The following TNNC1 variants were observed in gnomAD, a reference collection of about 807,000 sequenced individuals.
TNNC1 encodes troponin C1, slow skeletal and cardiac type, also known as troponin C, slow skeletal and cardiac muscles.
Under a neutral mutation model 19.6 loss-of-function variants are expected in TNNC1, and 10 were observed. The observed-to-expected ratio is 0.51, with a 90% CI of 0.31 to 0.87. The LOEUF (loss-of-function observed/expected upper bound fraction) is 0.87. TNNC1 is among the 40% of genes least tolerant of loss of function. The probability of loss-of-function intolerance (pLI) is 0.04; values close to 1 mark genes in which losing one functional copy is unlikely to be tolerated. For synonymous variants in TNNC1, 85 were observed against 80.1 expected (o/e 1.06, Z -0.33); for missense variants, 115 against 219.8 (o/e 0.52, Z 3.02).
At position 52,452,887 on chromosome 3, in the gene TNNC1, G is replaced by A. The variant is rs1288605282; in HGVS notation, c.25-374C>T. ...TGTGGAGGCAGGCAAGCCACCCACG[G>A]TAACCTGACCAGGGTGGCCACTGGG... is the stretch of plus-strand genomic sequence containing the variant. On this transcript the variant is annotated intron_variant, in intron 1 of 5. Coordinates refer to ENST00000232975, the MANE Select transcript of TNNC1 (RefSeq NM_003280.3). This position sits in a 1 kb window ranked among gnomAD's most constrained non-coding sequence, Gnocchi z 5.2. 4 of 368,726 alleles carry A rather than the reference G, an allele frequency of 1.1e-5. No individual in the cohort carries two copies. Among genetic ancestry groups the A allele is most frequent in the Admixed American group, 3.9e-5 (1 of 25,488 alleles). 22.8% of individuals were successfully genotyped at this position (368,726 alleles called of 1,614,324 possible). A position where few individuals can be genotyped will look rare whatever the true frequency, so the allele number is the denominator to read the frequency against.
rs770331194 is a variant in TNNC1, at chr3:52,451,845, C to T, written c.216G>A (p.Val72=). The T allele has an allele frequency of 5.3e-5, 86 of 1,613,960 alleles. No individual in the cohort carries two copies. Among genetic ancestry groups the T allele is most frequent in the South Asian group, 4.4e-4 (40 of 91,090 alleles). The change falls in exon 4 of 6, where the codon GTG becomes GTA. Residue 72 remains valine (V), a synonymous_variant. Coordinates refer to ENST00000232975, the MANE Select transcript of TNNC1 (RefSeq NM_003280.3). This position sits in a 1 kb window ranked among gnomAD's most constrained non-coding sequence, Gnocchi z 4.8. ...DEVDEDGSGT[V]DFDEFLVMMV... ...TCATGACCAGGAACTCATCAAAGTCCACCGTGCCGCTGCCTGGGGGTGGGC... is the reference window on the plus strand; with the variant it reads ...TCATGACCAGGAACTCATCAAAGTCTACCGTGCCGCTGCCTGGGGGTGGGC...
At chr3:52,453,442 T>C (rs1453312991) in intron 1 of TNNC1, among the ~76,000 whole-genome samples, 1 of 152,198 alleles carries the variant, frequency 6.6e-6, no homozygotes, top group Admixed American at 6.5e-5. Flanking sequence ...TGTCCAGAAC[T>C]TCCCTGCCTC....
rs1417415108 is a variant in TNNC1 at position 52,452,422 on chromosome 3, A to G, written c.55+61T>C. ...CTCTGGCCTGGGGTCCTCTTCTGAT[A>G]AGGGGTCCCCATGCCAGCCTGGACC... On this transcript the variant is annotated intron_variant, in intron 2 of 5. Coordinates refer to ENST00000232975, the MANE Select transcript of TNNC1 (RefSeq NM_003280.3). This position sits in a 1 kb window ranked among gnomAD's most constrained non-coding sequence, Gnocchi z 5.2. 5 of 1,601,880 alleles carry G rather than the reference A, an allele frequency of 3.1e-6. No homozygotes were observed. The highest frequency in any genetic ancestry group is 4.3e-6 in the Non-Finnish European group (5 of 1,173,010).
Position 52,451,933 on chromosome 3 carries a change from T to C in TNNC1, c.203-75A>G. ...GCAGCACCTTCGACACGAACCCCCA[T>C]GTTCTCACCGCATCCTCACACCAAA... is the stretch of plus-strand genomic sequence containing the variant. On this transcript the variant is annotated intron_variant, in intron 3 of 5. Coordinates refer to ENST00000232975, the MANE Select transcript of TNNC1 (RefSeq NM_003280.3). This position sits in a 1 kb window ranked among gnomAD's most constrained non-coding sequence, Gnocchi z 4.8. The C allele has an allele frequency of 7.1e-6, 11 of 1,539,016 alleles. No homozygotes were observed. Among genetic ancestry groups the C allele is most frequent in the East Asian group, 2.2e-5 (1 of 44,516 alleles).
At position 52,452,727 on chromosome 3, in the gene TNNC1, G is replaced by C; in HGVS notation, c.25-214C>G. 1.6e-6 allele frequency: 1 copy of C among 631,536 alleles called. No individual in the cohort carries two copies. Among genetic ancestry groups the C allele is most frequent in the South Asian group, 1.8e-5 (1 of 55,204 alleles). 39.1% of individuals were successfully genotyped at this position (631,536 alleles called of 1,614,324 possible). On this transcript the variant is annotated intron_variant, in intron 1 of 5. Transcript: ENST00000232975. This position sits in a 1 kb window ranked among gnomAD's most constrained non-coding sequence, Gnocchi z 5.2. ...GGGCTCAGGGCCAGGGTGACAGGTG[G>C]GCACCCCCTTCAGGACCAAGGTGAC...
Position 52,451,554 on chromosome 3 carries a change from C to T in TNNC1, c.318-27G>A. On this transcript the variant is annotated intron_variant, in intron 4 of 5. Coordinates refer to ENST00000232975, the MANE Select transcript of TNNC1 (RefSeq NM_003280.3). This position sits in a 1 kb window ranked among gnomAD's most constrained non-coding sequence, Gnocchi z 4.8. ...TGTGGGGAGGGGGCTCAGGGTAGGG[C>T]TGTGGGGAGGGCATGAGGCAGCCCC... is the stretch of plus-strand genomic sequence containing the variant. 2.5e-6 allele frequency: 4 copies of T among 1,613,696 alleles called. No homozygotes were observed. The highest frequency in any genetic ancestry group is 3.4e-6 in the Non-Finnish European group (4 of 1,179,908).
In TNNC1 at chr3:52,451,170, G is replaced by A. The variant is rs865892529; in HGVS notation, c.*105C>T. The A allele has an allele frequency of 3.0e-6, 4 of 1,348,726 alleles. No homozygotes were observed. Among genetic ancestry groups the A allele is most frequent in the Non-Finnish European group, 3.2e-6 (3 of 945,462 alleles). 83.5% of individuals were successfully genotyped at this position (1,348,726 alleles called of 1,614,324 possible). A position where few individuals can be genotyped will look rare whatever the true frequency, so the allele number is the denominator to read the frequency against. On this transcript the variant is annotated 3_prime_UTR_variant, in exon 6 of 6. Transcript: ENST00000232975. The surrounding 1 kb of genome is among the most constrained non-coding windows in gnomAD (Gnocchi z 4.8). Reference sequence around the variant, plus strand: ...AGGGAGTCGGGGGATTTGGGGTTGAGGACATGGCCAGGCTCAGGTCCTGGG... The same window carrying A: ...AGGGAGTCGGGGGATTTGGGGTTGAAGACATGGCCAGGCTCAGGTCCTGGG...
At position 52,451,589 on chromosome 3, in the gene TNNC1, C is replaced by A. The variant is rs903917168; in HGVS notation, c.318-62G>T. 6.8e-6 allele frequency: 11 copies of A among 1,610,326 alleles called. No homozygotes were observed. Among genetic ancestry groups the A allele is most frequent in the Non-Finnish European group, 7.6e-6 (9 of 1,177,340 alleles). On this transcript the variant is annotated intron_variant, in intron 4 of 5. Coordinates refer to ENST00000232975, the MANE Select transcript of TNNC1 (RefSeq NM_003280.3). The surrounding 1 kb of genome is among the most constrained non-coding windows in gnomAD (Gnocchi z 4.8). The stretch of plus-strand genomic sequence containing the variant: ...GGCATGAGGCAGCCCCACCCATGCC[C>A]CAGGAGGCAGAGCAGGGACACTGGG...
Position 52,451,876 on chromosome 3 carries a change from G to A in TNNC1, c.203-18C>T. On this transcript the variant is annotated intron_variant, in intron 3 of 5. Coordinates refer to ENST00000232975, the MANE Select transcript of TNNC1 (RefSeq NM_003280.3). The surrounding 1 kb of genome is among the most constrained non-coding windows in gnomAD (Gnocchi z 4.8). Reference sequence around the variant, plus strand: ...GCCGCTGCCTGGGGGTGGGCAGCATGGCCGTTACAGAGGCCAGGGTAGGTA... The same window carrying A: ...GCCGCTGCCTGGGGGTGGGCAGCATAGCCGTTACAGAGGCCAGGGTAGGTA... 1 of 1,610,236 alleles carries A rather than the reference G, an allele frequency of 6.2e-7. No individual in the cohort carries two copies. Among genetic ancestry groups the A allele is most frequent in the East Asian group, 2.2e-5 (1 of 44,868 alleles).
chr3:52,451,183 C>T lies in TNNC1; in HGVS notation c.*92G>A. ...ATTTGGGGTTGAGGACATGGCCAGG[C>T]TCAGGTCCTGGGACCCCGACCCCCT... On this transcript the variant is annotated 3_prime_UTR_variant, in exon 6 of 6. Coordinates refer to ENST00000232975, the MANE Select transcript of TNNC1 (RefSeq NM_003280.3). The surrounding 1 kb of genome is among the most constrained non-coding windows in gnomAD (Gnocchi z 4.8). The T allele has an allele frequency of 6.8e-7, 1 of 1,476,728 alleles. No individual in the cohort carries two copies. Among genetic ancestry groups the T allele is most frequent in the Non-Finnish European group, 9.4e-7 (1 of 1,058,674 alleles). The allele number at this position is 1,476,728 out of a possible 1,614,324, so 91.5% of individuals were successfully genotyped here. A position where few individuals can be genotyped will look rare whatever the true frequency, so the allele number is the denominator to read the frequency against.
At position 52,452,770 on chromosome 3, in the gene TNNC1, A is replaced by G. The variant is rs539117227; in HGVS notation, c.25-257T>C. The G allele has an allele frequency of 2.7e-5, 16 of 581,994 alleles. No individual in the cohort carries two copies. The East Asian group carries it at 4.1e-4, about 15-fold the overall frequency. The allele number at this position is 581,994 out of a possible 1,614,324, so 36.1% of individuals were successfully genotyped here. A position where few individuals can be genotyped will look rare whatever the true frequency, so the allele number is the denominator to read the frequency against. On this transcript the variant is annotated intron_variant, in intron 1 of 5. Transcript: ENST00000232975. This position sits in a 1 kb window ranked among gnomAD's most constrained non-coding sequence, Gnocchi z 5.2. ...AAGGTGACCCTCAGTAACAATAGTC[A>G]GTGACCACTCAATGCCCTTTCGGCC...
At chr3:52,453,960 C>T in intron 1 of TNNC1, 32 bp downstream of exon 1, 1 of 1,579,032 alleles carries the variant, frequency 6.3e-7, no homozygotes, top group Non-Finnish European at 8.6e-7. Flanking sequence ...GTGGGCCTGC[C>T]CACCCCAGCC....
Position 52,451,954 on chromosome 3 carries a change from C to T in TNNC1, c.203-96G>A. ...CCCATGTTCTCACCGCATCCTCACA[C>T]CAAACGCCAGGCTTGTGTAGCCCTT... On this transcript the variant is annotated intron_variant, in intron 3 of 5. Transcript: ENST00000232975. The surrounding 1 kb of genome is among the most constrained non-coding windows in gnomAD (Gnocchi z 4.8). 6.5e-7 allele frequency: 1 copy of T among 1,541,188 alleles called. No homozygotes were observed. The highest frequency in any genetic ancestry group is 9.0e-7 in the Non-Finnish European group (1 of 1,116,826).
Position 52,451,243 on chromosome 3 carries a change from G to C in TNNC1, c.*32C>G. ...CAGGACTCAGCTGGAGTTGGAGGCT[G>C]GGCATAGGCAGCTCTGGGTGAAGGT... On this transcript the variant is annotated 3_prime_UTR_variant, in exon 6 of 6. Transcript: ENST00000232975. This position sits in a 1 kb window ranked among gnomAD's most constrained non-coding sequence, Gnocchi z 4.8. The C allele has an allele frequency of 6.2e-7, 1 of 1,613,878 alleles. No individual in the cohort carries two copies. Among genetic ancestry groups the C allele is most frequent in the Non-Finnish European group, 8.5e-7 (1 of 1,179,864 alleles).
Position 52,451,796 on chromosome 3 carries a change from T to C in TNNC1, c.265A>G (p.Ser89Gly), listed in dbSNP as rs2153229931. The change falls in exon 4 of 6, where the codon AGC (serine) becomes GGC (glycine). Residue 89 changes from serine to glycine, a missense_variant. Physicochemically the swap from Ser to Gly is moderately conservative, Grantham distance 56. Around this residue, in one of 2 missense-constraint regions of TNNC1, gnomAD observed 96 missense variants for 114.2 expected, o/e 0.84. Transcript: ENST00000232975. The surrounding 1 kb of genome is among the most constrained non-coding windows in gnomAD (Gnocchi z 4.8). ...AGCTCCTCCTCAGATTTCCCTTTGC[T>C]GTCGTCCTTCATGCACCGAACCATC... ...VMMVRCMKDD[S>G]KGKSEEELSD... 1 of 1,614,114 alleles carries C rather than the reference T, an allele frequency of 6.2e-7. No homozygotes were observed. Among genetic ancestry groups the C allele is most frequent in the South Asian group, 1.1e-5 (1 of 91,090 alleles).
At position 52,451,756 on chromosome 3, in the gene TNNC1, C is replaced by A. The variant is rs143020831; in HGVS notation, c.305G>T (p.Arg102Leu). The A allele has an allele frequency of 6.8e-6, 11 of 1,613,936 alleles. No individual in the cohort carries two copies. Among genetic ancestry groups the A allele is most frequent in the Non-Finnish European group, 9.3e-6 (11 of 1,179,870 alleles). Reference sequence around the variant, plus strand: ...GTCACGTGCTCACTTGTCAAACATGCGGAAGAGGTCAGACAGCTCCTCCTC... The same window carrying A: ...GTCACGTGCTCACTTGTCAAACATGAGGAAGAGGTCAGACAGCTCCTCCTC... ...KSEEELSDLF[R>L]MFDKNADGYI... The change falls in exon 4 of 6, where the codon CGC becomes CTC. Residue 102 changes from arginine to leucine, a missense_variant. Physicochemically the swap from Arg to Leu is moderately radical, Grantham distance 102. Transcript: ENST00000232975. This position sits in a 1 kb window ranked among gnomAD's most constrained non-coding sequence, Gnocchi z 4.8.
chr3:52,452,289 T>C lies in TNNC1; in HGVS notation c.56-37A>G. 6.2e-7 allele frequency: 1 copy of C among 1,604,634 alleles called. No homozygotes were observed. The highest frequency in any genetic ancestry group is 8.5e-7 in the Non-Finnish European group (1 of 1,179,942). ...GGTTGGGGGGCACAGTAGTCAGGGC[T>C]CAGCAGCCAGGACCACGGAGGGCCA... is the stretch of plus-strand genomic sequence containing the variant. On this transcript the variant is annotated intron_variant, in intron 2 of 5. Transcript: ENST00000232975. The surrounding 1 kb of genome is among the most constrained non-coding windows in gnomAD (Gnocchi z 5.2).
In TNNC1 at chr3:52,451,215, C is replaced by T; in HGVS notation, c.*60G>A. The stretch of plus-strand genomic sequence containing the variant: ...CCTGGGACCCCGACCCCCTCCCCAA[C>T]CCCAGGACTCAGCTGGAGTTGGAGG... On this transcript the variant is annotated 3_prime_UTR_variant, in exon 6 of 6. Coordinates refer to ENST00000232975, the MANE Select transcript of TNNC1 (RefSeq NM_003280.3). The surrounding 1 kb of genome is among the most constrained non-coding windows in gnomAD (Gnocchi z 4.8). 6.2e-7 allele frequency: 1 copy of T among 1,609,288 alleles called. No individual in the cohort carries two copies. The highest frequency in any genetic ancestry group is 8.5e-7 in the Non-Finnish European group (1 of 1,175,900).
At chr3:52,453,862 C>T in intron 1 of TNNC1, 130 bp downstream of exon 1, 1 of 1,105,070 alleles carries the variant, frequency 9.0e-7, no homozygotes, top group Admixed American at 2.0e-5. Context: ...CTGTGAGGGC[C>T]TGGGTTGAAG....
Sources: allele counts gnomAD v4.1 joint callset (sites outside exome capture counted in the v4.1 genomes callset), GRCh38; gene constraint gnomAD v4.1.1; regional missense constraint gnomAD v4.1.1; non-coding constraint Gnocchi (gnomAD v3.1); transcripts MANE v1.5; gene names NCBI Gene and HGNC (gene_info 2026-07-23, HGNC 2026-07-21).